The following ZNF423 variants were observed in gnomAD, a reference collection of about 807,000 sequenced individuals.
ZNF423 encodes zinc finger protein 423.
Under a neutral mutation model 95.8 loss-of-function variants are expected in ZNF423, and 12 were observed. The ratio of observed to expected loss-of-function variants is 0.13; its 90% confidence interval spans 0.08 to 0.20. The LOEUF is 0.20. Among genes scored for constraint, ZNF423 ranks in the 10% least tolerant of loss-of-function variants. ZNF423 has a pLI of 1.00. For missense variants in ZNF423, 1,316 were observed against 1,737.1 expected, an observed-to-expected ratio of 0.76 and a Z score of 4.31; for synonymous variants, 749 against 711.9, an observed-to-expected ratio of 1.05 and a Z score of -0.83.
intron 3 of ZNF423, among the ~76,000 whole-genome samples, chr16:49,680,028 G>T (rs1444056307): frequency 6.6e-6 from 1 of 152,216 alleles, no homozygotes; most frequent in African/African-American, 2.4e-5. Context: ...CCCACTGTGG[G>T]TCTCCTCTGA....
At chr16:49,717,024 A>G (rs2032728206) in intron 3 of ZNF423, among the ~76,000 whole-genome samples, 2 of 152,024 alleles carry the variant, frequency 1.3e-5, no homozygotes, top group African/African-American at 4.8e-5. Flanking sequence ...CCAAGCCTGC[A>G]TCCCACTCTC....
intron 3 of ZNF423, among the ~76,000 whole-genome samples, chr16:49,716,392 G>A (rs2032707678): frequency 6.6e-6 from 1 of 152,090 alleles, no homozygotes; most frequent in South Asian, 2.1e-4. Flanking sequence ...AGGTGCAGGT[G>A]TGCTCCCCCA....
At chr16:49,806,538 T>C (rs2034666119) in intron 1 of ZNF423, among the ~76,000 whole-genome samples, 1 of 152,206 alleles carries the variant, frequency 6.6e-6, no homozygotes, top group Admixed American at 6.5e-5. Flanking sequence ...TGTAAATAAA[T>C]GTCAGTTCCT....
intron 1 of ZNF423, among the ~76,000 whole-genome samples, chr16:49,836,518 T>C (rs188467104): frequency 6.6e-6 from 1 of 152,238 alleles, no homozygotes; most frequent in Admixed American, 6.5e-5. Flanking sequence ...ACAGTGACCC[T>C]GGCAGTTACT....
intron 1 of ZNF423, among the ~76,000 whole-genome samples, chr16:49,844,622 C>T (rs2035224033): frequency 6.6e-6 from 1 of 152,246 alleles, no homozygotes; most frequent in Non-Finnish European, 1.5e-5. Flanking sequence ...ACTTATGAAT[C>T]CATTTACTCA....
At chr16:49,694,768 A>G (rs1452748548) in intron 3 of ZNF423, among the ~76,000 whole-genome samples, 1 of 152,230 alleles carries the variant, frequency 6.6e-6, no homozygotes. Flanking sequence ...CGCCAGCCAC[A>G]CTGAGGGTGG....
At position 49,532,237 on chromosome 16, in the gene ZNF423, C is replaced by T. The variant is rs141857095; in HGVS notation, c.3602-6743G>A. On this transcript the variant is annotated intron_variant, in intron 5 of 7. Coordinates refer to ENST00000563137, the MANE Select transcript of ZNF423 (RefSeq NM_001379286.1). Reference sequence around the variant, plus strand: ...TTGAAGAGGCTGCTGGAGACTCTGACGGTGGGTGGCTAACACTCCCCCAAA... The same window carrying T: ...TTGAAGAGGCTGCTGGAGACTCTGATGGTGGGTGGCTAACACTCCCCCAAA... 5.2e-3 allele frequency among the ~76,000 whole-genome samples: 786 copies of T among 152,302 alleles called. 1 individual carries two copies. The highest frequency in any genetic ancestry group is 9.4e-3 in the Admixed American group (144 of 15,302).
At chr16:49,622,972 G>A (rs1468163553) in intron 5 of ZNF423, among the ~76,000 whole-genome samples, 1 of 152,132 alleles carries the variant, frequency 6.6e-6, no homozygotes, top group Non-Finnish European at 1.5e-5. Context: ...CACAGAGACC[G>A]CTGCAACTCT....
At position 49,517,146 on chromosome 16, in the gene ZNF423, G is replaced by A. The variant is rs547754584; in HGVS notation, c.3849+6478C>T. 1.6e-4 allele frequency among the ~76,000 whole-genome samples: 24 copies of A among 152,284 alleles called. No individual in the cohort carries two copies. The South Asian group carries it at 3.1e-3, about 20-fold the overall frequency. ...CAGAGTGTAGCTGCCTTATTTAAGT[G>A]ACACTTGGCTCCGGGAATAGGGCTG... On this transcript the variant is annotated intron_variant, in intron 7 of 7. Coordinates refer to ENST00000563137, the MANE Select transcript of ZNF423 (RefSeq NM_001379286.1).
intron 1 of ZNF423, among the ~76,000 whole-genome samples, chr16:49,827,565 G>T (rs562865205): frequency 6.6e-6 from 1 of 152,216 alleles, no homozygotes; most frequent in South Asian, 2.1e-4. Context: ...TCCCAGGCTG[G>T]AGTGTAGCGG....
Position 49,636,860 on chromosome 16 carries a change from G to T in ZNF423, c.2316C>A (p.Asp772Glu). Residue 772 changes from aspartate (D) to glutamate (E), a missense_variant, in exon 4 of 8, where the codon GAC (aspartate) becomes GAA (glutamate). By Grantham distance (45) the Asp-to-Glu change is conservative. Transcript: ENST00000563137. The surrounding 1 kb of genome is among the most constrained non-coding windows in gnomAD (Gnocchi z 8.6). The part of the protein sequence containing the change: ...ACNWDFRKEA[D>E]LQVHVKHSHL... The stretch of plus-strand genomic sequence containing the variant: ...GGCTGTGTTTGACGTGCACCTGCAG[G>T]TCAGCCTCCTTGCGGAAGTCCCAGT... 1 of 1,614,020 alleles carries T rather than the reference G, an allele frequency of 6.2e-7. No individual in the cohort carries two copies. The highest frequency in any genetic ancestry group is 8.5e-7 in the Non-Finnish European group (1 of 1,180,014).
chr16:49,587,284 C>G (rs1341465908), intron 5 of ZNF423, among the ~76,000 whole-genome samples: 6 of 152,162 alleles, frequency 3.9e-5, no homozygotes, highest in Admixed American at 3.9e-4. Flanking sequence ...TTTAGACAAA[C>G]AAAAGCAAAA....
rs1044939066 is a variant in ZNF423 at position 49,854,096 on chromosome 16, C to A, written c.40+1639G>T. ...AAGAGAAACATCCACCCTTCTTTCC[C>A]GTCCTCTTCTTGGAGTCTCTCTTCT... On this transcript the variant is annotated intron_variant, in intron 1 of 7. Coordinates refer to ENST00000563137, the MANE Select transcript of ZNF423 (RefSeq NM_001379286.1). 3.0e-6 allele frequency: 3 copies of A among 985,184 alleles called. No homozygotes were observed. The Admixed American group carries it at 1.8e-4, about 61-fold the overall frequency. 61.0% of individuals were successfully genotyped at this position (985,184 alleles called of 1,614,324 possible). A position where few individuals can be genotyped will look rare whatever the true frequency, so the allele number is the denominator to read the frequency against.
chr16:49,636,250 A>G lies in ZNF423; in HGVS notation c.2926T>C (p.Phe976Leu), dbSNP rs761456470. The G allele has an allele frequency of 5.0e-6, 8 of 1,612,994 alleles. No homozygotes were observed. The South Asian group carries it at 8.8e-5, about 18-fold the overall frequency. Residue 976 changes from phenylalanine to leucine, a missense_variant, in exon 4 of 8, where the codon TTC (phenylalanine) becomes CTC (leucine). Phe to Leu is a conservative substitution (Grantham distance 22). Transcript: ENST00000563137. The surrounding 1 kb of genome is among the most constrained non-coding windows in gnomAD (Gnocchi z 8.6). ...TCGGTGAGCGTCAGCAGCGAAGGGA[A>G]GCGCTCACCACAGATGGGACACATG... ...HYMCPICGER[F>L]PSLLTLTEHK...
Position 49,616,837 on chromosome 16 carries a change from C to T in ZNF423, c.3601+9333G>A, listed in dbSNP as rs115028895. 4.3e-3 allele frequency among the ~76,000 whole-genome samples: 659 copies of T among 152,198 alleles called. 6 individuals carry two copies. The highest frequency in any genetic ancestry group is 0.015 in the African/African-American group (603 of 41,534). ...ATCTGGTATATAGGCTTAGCATGGC[C>T]GGTTTTTCCTCTCTAAACTGGGACT... On this transcript the variant is annotated intron_variant, in intron 5 of 7. Coordinates refer to ENST00000563137, the MANE Select transcript of ZNF423 (RefSeq NM_001379286.1).
chr16:49,775,881 G>A (rs34671064), intron 2 of ZNF423, among the ~76,000 whole-genome samples: 4 of 152,206 alleles, frequency 2.6e-5, no homozygotes, highest in African/African-American at 9.6e-5. Context: ...TTGGTCTGCA[G>A]GGTTTGGTAA....
intron 5 of ZNF423, among the ~76,000 whole-genome samples, chr16:49,557,336 C>A (rs1163333936): frequency 6.6e-6 from 1 of 152,200 alleles, no homozygotes; most frequent in Admixed American, 6.5e-5. Flanking sequence ...CAGCCCCTGC[C>A]CGCTCCTCCT....
intron 3 of ZNF423, among the ~76,000 whole-genome samples, chr16:49,640,260 C>A (rs192327746): frequency 3.3e-5 from 5 of 152,152 alleles, no homozygotes; most frequent in Non-Finnish European, 7.4e-5. Context: ...CACGGGTGAA[C>A]ACTGGCACAC....
chr16:49,714,509 T>C (rs2032643290), intron 3 of ZNF423, among the ~76,000 whole-genome samples: 1 of 151,258 alleles, frequency 6.6e-6, no homozygotes, highest in Non-Finnish European at 1.5e-5. Context: ...ATACAAAAAA[T>C]TAGCCAGGTG....
Sources: allele counts gnomAD v4.1 joint callset (sites outside exome capture counted in the v4.1 genomes callset), GRCh38; gene constraint gnomAD v4.1.1; non-coding constraint Gnocchi (gnomAD v3.1); transcripts MANE v1.5; gene names NCBI Gene and HGNC (gene_info 2026-07-23, HGNC 2026-07-21).